CYP2R1: variants seen among roughly 807,000 people sequenced by gnomAD.
CYP2R1 encodes the protein vitamin D 25-hydroxylase.
CYP2R1 carries 40 observed loss-of-function variants against 45.7 expected under a neutral mutation model. The observed-to-expected ratio is 0.87, with a 90% CI of 0.68 to 1.14. CYP2R1 has a LOEUF of 1.14. Ranked by LOEUF, CYP2R1 falls within the 50% of genes most tolerant of loss-of-function variation. The pLI is 0.00. For synonymous variants in CYP2R1, 234 were observed against 219.3 expected (o/e 1.07, Z -0.59); for missense variants, 605 against 602.6 (o/e 1.00, Z -0.04).
intron 4 of CYP2R1, among the ~76,000 whole-genome samples, chr11:14,878,508 G>A (rs1247664247): frequency 6.6e-6 from 1 of 151,786 alleles, no homozygotes; most frequent in Non-Finnish European, 1.5e-5. Flanking sequence ...GTTAGACCAC[G>A]GACTTTTGTA....
At chr11:14,885,682 TA>T (rs1848588210) in intron 2 of CYP2R1, 93 bp downstream of exon 2, 12 of 1,334,456 alleles carry the variant, frequency 9.0e-6, no homozygotes, top group Non-Finnish European at 1.3e-5. Flanking sequence ...TTAATCAGTA[TA>T]AAATAATCCC....
Position 14,878,068 on chromosome 11 carries a change from G to C in CYP2R1, c.*54C>G. Reference sequence around the variant, plus strand: ...ACACACATTGATTTGATTAAACCAAGTTCAGGGATAAGGCAAATATACATT... The same window carrying C: ...ACACACATTGATTTGATTAAACCAACTTCAGGGATAAGGCAAATATACATT... On this transcript the variant is annotated 3_prime_UTR_variant, in exon 5 of 5. Coordinates refer to ENST00000334636, the MANE Select transcript of CYP2R1 (RefSeq NM_024514.5). 6.3e-7 allele frequency: 1 copy of C among 1,588,108 alleles called. No homozygotes were observed. Among genetic ancestry groups the C allele is most frequent in the Non-Finnish European group, 8.6e-7 (1 of 1,162,008 alleles).
chr11:14,884,758 A>G (rs1340392224), intron 2 of CYP2R1, among the ~76,000 whole-genome samples: 1 of 152,104 alleles, frequency 6.6e-6, no homozygotes, highest in Non-Finnish European at 1.5e-5. Context: ...AAAAATCTTA[A>G]GTTGAATGCT....
rs199997444 is a variant in CYP2R1 at position 14,892,202 on chromosome 11, A to C, written c.4T>G (p.Trp2Gly). The change falls in exon 1 of 5, where the codon TGG becomes GGG. Residue 2 changes from tryptophan (W) to glycine (G), a missense_variant. Coordinates refer to ENST00000334636, the MANE Select transcript of CYP2R1 (RefSeq NM_024514.5). M[W>G]KLWRAEEGAA... is the part of the protein sequence containing the mutation. ...CCCTCTTCAGCTCTCCAAAGCTTCC[A>C]CATCGGCCCGAGCTGGAGGTGCGAA... 6.2e-7 allele frequency: 1 copy of C among 1,609,748 alleles called. No individual in the cohort carries two copies. The highest frequency in any genetic ancestry group is 1.1e-5 in the South Asian group (1 of 90,912).
At chr11:14,885,687 T>C (rs1555014178) in intron 2 of CYP2R1, 89 bp downstream of exon 2, 1 of 1,372,062 alleles carries the variant, frequency 7.3e-7, no homozygotes, top group Non-Finnish European at 1.0e-6. Flanking sequence ...CAGTATAAAA[T>C]AATCCCAACT....
rs201185910 is a variant in CYP2R1, at chr11:14,880,176, C to A, written c.960G>T (p.Arg320=). Residue 320 remains arginine, a synonymous_variant, in exon 3 of 5, where the codon CGG becomes CGT. Transcript: ENST00000334636. ...AAAGGGCCATGAAAAGAATCGCCCA[C>A]CGTAGCACATTGGTTGTAGTTTCAG... is the stretch of plus-strand genomic sequence containing the variant. ...AGTETTTNVL[R]WAILFMALYP... is the part of the protein sequence containing the mutation. 1 of 1,612,870 alleles carries A rather than the reference C, an allele frequency of 6.2e-7. No individual in the cohort carries two copies. The highest frequency in any genetic ancestry group is 1.3e-5 in the African/African-American group (1 of 74,946).
chr11:14,878,224 C>G lies in CYP2R1; in HGVS notation c.1404G>C (p.Arg468Ser), dbSNP rs1848228813. 4 of 1,613,152 alleles carry G rather than the reference C, an allele frequency of 2.5e-6. No homozygotes were observed. In the Admixed American group the frequency reaches 5.0e-5, roughly 20 times the overall value. ...GTTCATGTGGAAAATGCAAATGAAA[C>G]CTCTGAAGCAATGCTGTAAAAAACA... ...MFLFFTALLQ[R>S]FHLHFPHELV... Residue 468 changes from arginine to serine, a missense_variant, in exon 5 of 5, where the codon AGG (arginine) becomes AGC (serine). Arg to Ser is a moderately radical substitution (Grantham distance 110). Coordinates refer to ENST00000334636, the MANE Select transcript of CYP2R1 (RefSeq NM_024514.5).
At chr11:14,891,817 C>G (rs1848869317) in intron 1 of CYP2R1, 164 bp downstream of exon 1, 1 of 974,710 alleles carries the variant, frequency 1.0e-6, no homozygotes, top group Non-Finnish European at 1.2e-6. Flanking sequence ...TCGAGGACTT[C>G]TCCCTTCCAG....
intron 1 of CYP2R1, chr11:14,890,799 C>T (rs1206863730): frequency 5.6e-6 from 5 of 894,694 alleles, no homozygotes; most frequent in East Asian, 1.2e-4. Flanking sequence ...CCGCCCGCCT[C>T]GGCCTCCTAA....
chr11:14,882,988 A>G (rs1848451695), intron 2 of CYP2R1, among the ~76,000 whole-genome samples: 1 of 152,202 alleles, frequency 6.6e-6, no homozygotes, highest in South Asian at 2.1e-4. Context: ...GATGTGAAGG[A>G]CCTCTTCAAG....
At chr11:14,884,712 GAAAT>G (rs1368017211) in intron 2 of CYP2R1, among the ~76,000 whole-genome samples, 1 of 151,490 alleles carries the variant, frequency 6.6e-6, no homozygotes, top group Non-Finnish European at 1.5e-5. Flanking sequence ...ATTAAAAAAA[GAAAT>G]AAAAAAACAC....
chr11:14,882,666 T>C (rs1270087231), intron 2 of CYP2R1, among the ~76,000 whole-genome samples: 3 of 152,118 alleles, frequency 2.0e-5, no homozygotes, highest in Non-Finnish European at 4.4e-5. Flanking sequence ...CAACATAGTG[T>C]TGGAAGTTCT....
intron 1 of CYP2R1, among the ~76,000 whole-genome samples, chr11:14,889,390 G>C (rs907578382): frequency 6.6e-6 from 1 of 152,188 alleles, no homozygotes; most frequent in Non-Finnish European, 1.5e-5. Context: ...GATCTTTAGA[G>C]ATGTTTCATA....
intron 1 of CYP2R1, among the ~76,000 whole-genome samples, chr11:14,890,200 G>C (rs1848780727): frequency 6.6e-6 from 1 of 151,588 alleles, no homozygotes; most frequent in African/African-American, 2.4e-5. Context: ...TCTGTTTTCT[G>C]TTGTTATTCT....
rs1848342737 is a variant in CYP2R1 at position 14,880,611 on chromosome 11, T to C, written c.525A>G (p.Arg175=). ...FNDAIETYKG[R]PFDFKQLITN... Reference sequence around the variant, plus strand: ...TTATTAACTGTTTAAAGTCAAAAGGTCTACCTTTGTATGTTTCAATAGCAT... The same window carrying C: ...TTATTAACTGTTTAAAGTCAAAAGGCCTACCTTTGTATGTTTCAATAGCAT... The change falls in exon 3 of 5, where the codon AGA becomes AGG. Residue 175 remains arginine, a synonymous_variant. Coordinates refer to ENST00000334636, the MANE Select transcript of CYP2R1 (RefSeq NM_024514.5). The C allele has an allele frequency of 6.2e-7, 1 of 1,611,934 alleles. No individual in the cohort carries two copies. Among genetic ancestry groups the C allele is most frequent in the South Asian group, 1.1e-5 (1 of 90,910 alleles).
Position 14,877,747 on chromosome 11 carries a change from GA to G in CYP2R1, c.*374del. 1 of 195,490 alleles carries G rather than the reference GA, an allele frequency of 5.1e-6. No homozygotes were observed. Among genetic ancestry groups the G allele is most frequent in the Non-Finnish European group, 1.0e-5 (1 of 96,246 alleles). 12.1% of individuals were successfully genotyped at this position (195,490 alleles called of 1,614,324 possible). A position where few individuals can be genotyped will look rare whatever the true frequency, so the allele number is the denominator to read the frequency against. On this transcript the variant is annotated 3_prime_UTR_variant, in exon 5 of 5. Coordinates refer to ENST00000334636, the MANE Select transcript of CYP2R1 (RefSeq NM_024514.5). ...GTTTATTAATGACAATACCTGATCAGAAGGGAGCTGGTTTCTGGAACCAAGG... is the reference window on the plus strand; with the variant it reads ...GTTTATTAATGACAATACCTGATCAGAGGGAGCTGGTTTCTGGAACCAAGG...
chr11:14,879,452 GAA>G lies in CYP2R1; in HGVS notation c.1001-11_1001-10del. The G allele has an allele frequency of 6.3e-7, 1 of 1,589,268 alleles. No individual in the cohort carries two copies. Among genetic ancestry groups the G allele is most frequent in the East Asian group, 2.2e-5 (1 of 44,768 alleles). On this transcript the variant is annotated splice_polypyrimidine_tract_variant and intron_variant, in intron 3 of 4. Transcript: ENST00000334636. ...CTCTTTCTGAACTTGTCCTGTCAGA[GAA>G]AAAGTATTCAAGTTATTATGCAGTT...
rs535450670 is a variant in CYP2R1, at chr11:14,888,880, A to G, written c.226-2963T>C. 2.0e-5 allele frequency among the ~76,000 whole-genome samples: 3 copies of G among 152,348 alleles called. No individual in the cohort carries two copies. The East Asian group carries it at 5.8e-4, about 29-fold the overall frequency. ...GAAGTCCATTACCTGAAAATAATCG[A>G]TAAAGCCACTTGTATTGGCTTTCCT... is the stretch of plus-strand genomic sequence containing the variant. On this transcript the variant is annotated intron_variant, in intron 1 of 4. Coordinates refer to ENST00000334636, the MANE Select transcript of CYP2R1 (RefSeq NM_024514.5).
intron 1 of CYP2R1, chr11:14,886,263 T>C (rs1427087131): frequency 4.6e-6 from 1 of 216,356 alleles, no homozygotes; most frequent in Admixed American, 5.2e-5. Context: ...AGTATTGCCA[T>C]AGAAAATATA....
Sources: gnomAD v4.1 joint callset for allele counts (sites outside exome capture counted in the v4.1 genomes callset) on GRCh38, gnomAD v4.1.1 for gene constraint, MANE v1.5 for transcripts, NCBI Gene and HGNC (gene_info 2026-07-23, HGNC 2026-07-21) for gene names.